Variants in CTNND2 observed in about 807,000 individuals in gnomAD.
CTNND2 encodes catenin delta-2.
A neutral mutation model predicts 144.4 loss-of-function variants in CTNND2; 22 were observed. The ratio of observed to expected loss-of-function variants is 0.15; its 90% confidence interval spans 0.11 to 0.22. The LOEUF (loss-of-function observed/expected upper bound fraction) is 0.22. Ranked by LOEUF, CTNND2 falls within the 10% of genes least tolerant of loss-of-function variation. The pLI, the probability that CTNND2 is intolerant of heterozygous loss-of-function variation, is 1.00. For missense variants in CTNND2, 1,353 were observed against 1,618.8 expected, an observed-to-expected ratio of 0.84 and a Z score of 2.82; for synonymous variants, 751 against 695.6, an observed-to-expected ratio of 1.08 and a Z score of -1.25.
chr5:11,325,015 G>A (rs1752394629), intron 9 of CTNND2, among the ~76,000 whole-genome samples: 2 of 150,710 alleles, frequency 1.3e-5, no homozygotes, highest in African/African-American at 4.9e-5. Flanking sequence ...GTGCAAGAAT[G>A]AACCCTCTTT....
chr5:11,397,656 G>A (rs1760268397), intron 5 of CTNND2, among the ~76,000 whole-genome samples: 1 of 152,164 alleles, frequency 6.6e-6, no homozygotes, highest in Non-Finnish European at 1.5e-5. Flanking sequence ...AAATTCTACT[G>A]TATAAATAGT....
rs933270832 is a variant in CTNND2 at position 11,550,690 on chromosome 5, T to C, written c.287+14254A>G. 9.8e-5 allele frequency among the ~76,000 whole-genome samples: 15 copies of C among 152,380 alleles called. 1 individual carries two copies. Among genetic ancestry groups the C allele is most frequent in the African/African-American group, 3.6e-4 (15 of 41,592 alleles). ...TCAACTAATTAGGCGACTTCTTCTC[T>C]GCCTGCTGCTAACACAGCAATCTCT... On this transcript the variant is annotated intron_variant, in intron 3 of 21. Transcript: ENST00000304623.
chr5:11,727,150 T>C (rs941136598), intron 2 of CTNND2, among the ~76,000 whole-genome samples: 2 of 152,172 alleles, frequency 1.3e-5, no homozygotes, highest in Non-Finnish European at 2.9e-5. Flanking sequence ...ATGCACAGGG[T>C]TAACAAGTAA....
At chr5:11,607,641 G>A (rs1365895228) in intron 2 of CTNND2, among the ~76,000 whole-genome samples, 1 of 152,150 alleles carries the variant, frequency 6.6e-6, no homozygotes, top group Non-Finnish European at 1.5e-5. Flanking sequence ...TGGAAGGGAA[G>A]TTGCTCAATA....
chr5:11,129,305 T>TAAAA (rs1755311237), intron 12 of CTNND2, among the ~76,000 whole-genome samples: 1 of 12,198 alleles, frequency 8.2e-5, no homozygotes, highest in African/African-American at 2.5e-4. Flanking sequence ...ATATATATTA[T>TAAAA]ATATATAAAT....
At chr5:11,255,584 A>G (rs927821388) in intron 9 of CTNND2, among the ~76,000 whole-genome samples, 2 of 152,082 alleles carry the variant, frequency 1.3e-5, no homozygotes, top group African/African-American at 4.8e-5. Context: ...CACAAAATCC[A>G]TACTTGGCTG....
At chr5:11,083,572 T>C (rs1420226959) in intron 15 of CTNND2, among the ~76,000 whole-genome samples, 4 of 152,206 alleles carry the variant, frequency 2.6e-5, no homozygotes, top group African/African-American at 9.6e-5. Context: ...GTCCTTGCAA[T>C]ATCAGGATGA....
At chr5:11,394,881 A>G (rs1759941167) in intron 6 of CTNND2, among the ~76,000 whole-genome samples, 1 of 152,210 alleles carries the variant, frequency 6.6e-6, no homozygotes, top group Admixed American at 6.5e-5. Flanking sequence ...TTATTGCTTT[A>G]CTTTAGAACT....
chr5:11,031,401 TG>T lies in CTNND2; in HGVS notation c.2789-8423del, dbSNP rs1274353398. 2.0e-5 allele frequency among the ~76,000 whole-genome samples: 3 copies of T among 151,258 alleles called. No homozygotes were observed. The East Asian group carries it at 5.8e-4, about 29-fold the overall frequency. Reference sequence around the variant, plus strand: ...AGCTGCCTGCTACAGGGCTGAGGGGTGGGGGATGGGTAGCTACTGTGAGCTA... The same window carrying T: ...AGCTGCCTGCTACAGGGCTGAGGGGTGGGGATGGGTAGCTACTGTGAGCTA... On this transcript the variant is annotated intron_variant, in intron 16 of 21. Coordinates refer to ENST00000304623, the MANE Select transcript of CTNND2 (RefSeq NM_001332.4).
At chr5:11,467,484 G>A (rs1294782979) in intron 3 of CTNND2, among the ~76,000 whole-genome samples, 3 of 152,116 alleles carry the variant, frequency 2.0e-5, no homozygotes, top group African/African-American at 4.8e-5. Context: ...TGTTTACATC[G>A]GGCCTGATTC....
intron 9 of CTNND2, among the ~76,000 whole-genome samples, chr5:11,306,306 T>G (rs537295952): frequency 6.6e-6 from 1 of 152,148 alleles, no homozygotes; most frequent in Non-Finnish European, 1.5e-5. Context: ...GAAAATACAG[T>G]TGTTCTTAAG....
In CTNND2 at chr5:11,488,365, C is replaced by T. The variant is rs183008475; in HGVS notation, c.288-76296G>A. On this transcript the variant is annotated intron_variant, in intron 3 of 21. Coordinates refer to ENST00000304623, the MANE Select transcript of CTNND2 (RefSeq NM_001332.4). ...AACCATGTCATGTCATATCTCGCTA[C>T]TTCTCTTGCCCCACCATTTGAGAAA... is the stretch of plus-strand genomic sequence containing the variant. Among the ~76,000 whole-genome samples, 19 of 152,246 alleles carry T rather than the reference C, an allele frequency of 1.2e-4. No homozygotes were observed. The East Asian group carries it at 3.3e-3, about 26-fold the overall frequency.
At chr5:10,975,853 A>G (rs989203691) in intron 21 of CTNND2, among the ~76,000 whole-genome samples, 1 of 152,142 alleles carries the variant, frequency 6.6e-6, no homozygotes, top group African/African-American at 2.4e-5. Context: ...TTCTGCTTTC[A>G]TTTTTTTGGT....
chr5:11,282,494 C>T (rs1306547102), intron 9 of CTNND2, among the ~76,000 whole-genome samples: 1 of 152,094 alleles, frequency 6.6e-6, no homozygotes, highest in East Asian at 1.9e-4. Context: ...GCTCCAAGCC[C>T]CCATAAAGAT....
chr5:11,118,561 T>C (rs1753783531), intron 12 of CTNND2, among the ~76,000 whole-genome samples: 1 of 152,030 alleles, frequency 6.6e-6, no homozygotes, highest in African/African-American at 2.4e-5. Context: ...TGGGGTAGAG[T>C]CAGATAACTT....
At chr5:11,546,951 C>T (rs537922858) in intron 3 of CTNND2, among the ~76,000 whole-genome samples, 13 of 151,968 alleles carry the variant, frequency 8.6e-5, no homozygotes, top group Admixed American at 2.6e-4. Flanking sequence ...TCCTAACATG[C>T]GAAAAAATCA....
chr5:11,785,026 T>C (rs1024093146), intron 1 of CTNND2, among the ~76,000 whole-genome samples: 4 of 152,228 alleles, frequency 2.6e-5, no homozygotes, highest in African/African-American at 7.2e-5. Context: ...CTTCTATTGT[T>C]CTTGCAACTT....
intron 3 of CTNND2, among the ~76,000 whole-genome samples, chr5:11,437,421 GAATCCAGCAAGCGGGCACA>G (rs1301178700): frequency 1.3e-5 from 2 of 152,194 alleles, no homozygotes; most frequent in Non-Finnish European, 2.9e-5. Flanking sequence ...AGATGCATGA[GAATCCAGCAAGCGGGCACA>G]AAGTCTAAGA....
chr5:11,576,983 G>C (rs1253558183), intron 2 of CTNND2, among the ~76,000 whole-genome samples: 1 of 152,154 alleles, frequency 6.6e-6, no homozygotes, highest in African/African-American at 2.4e-5. Flanking sequence ...AATACCCACA[G>C]TGTCGGAGTT....
Sources: allele counts gnomAD v4.1 joint callset (sites outside exome capture counted in the v4.1 genomes callset), GRCh38; gene constraint gnomAD v4.1.1; transcripts MANE v1.5; gene names NCBI Gene and HGNC (gene_info 2026-07-23, HGNC 2026-07-21).